Variants in MAF observed in about 807,000 individuals in gnomAD.
MAF encodes the protein transcription factor Maf.
In MAF, 10 loss-of-function variants were observed where a neutral mutation model predicts 22.0. The observed-to-expected ratio is 0.45, with a 90% confidence interval of 0.28 to 0.77. The LOEUF (loss-of-function observed/expected upper bound fraction) is 0.77. Ranked by LOEUF, MAF falls within the 30% of genes least tolerant of loss-of-function variation. The pLI, the probability that MAF is intolerant of heterozygous loss-of-function variation, is 0.12. For synonymous variants in MAF, 337 were observed against 255.8 expected, an observed-to-expected ratio of 1.32 and a Z score of -3.03; for missense variants, 544 against 548.4, an observed-to-expected ratio of 0.99 and a Z score of 0.08.
chr16:79,410,179 T>C, the MAF span, among the ~76,000 whole-genome samples: 4 of 152,230 alleles, frequency 2.6e-5, no homozygotes, highest in African/African-American at 4.8e-5. Context: ...AGCCGTTCCG[T>C]ACCTCACTTC....
At chr16:79,211,032 G>GGTGTGTGT in the MAF span, among the ~76,000 whole-genome samples, 2 of 30,458 alleles carry the variant, frequency 6.6e-5, no homozygotes, top group Admixed American at 3.6e-4. Flanking sequence ...TGTATGGTGA[G>GGTGTGTGT]GAGTGTGTGT....
chr16:79,516,426 T>C, the MAF span: 4 of 152,190 alleles, frequency 2.6e-5, no homozygotes, highest in African/African-American at 7.2e-5. Context: ...TTGTTTAAAA[T>C]TTCCTTAGAA....
chr16:79,556,473 C>T, the MAF span, among the ~76,000 whole-genome samples: 8 of 152,224 alleles, frequency 5.3e-5, no homozygotes, highest in East Asian at 1.4e-3. Flanking sequence ...GTTGCCTGAA[C>T]CCACAATAAT....
At chr16:79,554,786 C>T in the MAF span, among the ~76,000 whole-genome samples, 1 of 152,140 alleles carries the variant, frequency 6.6e-6, no homozygotes, top group East Asian at 1.9e-4. Flanking sequence ...ATTGTATGGG[C>T]ATCACGTGTG....
the MAF span, among the ~76,000 whole-genome samples, chr16:79,246,615 A>C: frequency 6.6e-6 from 1 of 152,116 alleles, no homozygotes; most frequent in Non-Finnish European, 1.5e-5. Context: ...AAGGAGTAGA[A>C]AACATGGAAA....
chr16:79,494,964 C>A, the MAF span, among the ~76,000 whole-genome samples: 1 of 152,086 alleles, frequency 6.6e-6, no homozygotes, highest in Non-Finnish European at 1.5e-5. Context: ...AACTTAGGAA[C>A]AGCCAAATGG....
chr16:79,287,974 C>A, the MAF span, among the ~76,000 whole-genome samples: 3 of 152,200 alleles, frequency 2.0e-5, no homozygotes, highest in African/African-American at 7.2e-5. Context: ...ACAACATGTG[C>A]CATACCAGTG....
the MAF span, among the ~76,000 whole-genome samples, chr16:79,255,942 GTCTTTATCTTT>G: frequency 1.4e-5 from 2 of 145,554 alleles, no homozygotes; most frequent in African/African-American, 5.1e-5. Context: ...CTAGAGAGAT[GTCTTTATCTTT>G]TCTTTTCTTT....
At chr16:79,527,548 T>C in the MAF span, among the ~76,000 whole-genome samples, 194 of 152,306 alleles carry the variant, frequency 1.3e-3, no homozygotes, top group African/African-American at 4.4e-3. Flanking sequence ...TCTGGGGGCC[T>C]TCCATTCCAC....
chr16:79,587,043 A>T (rs563295830), intron 1 of MAF, among the ~76,000 whole-genome samples: 2 of 152,178 alleles, frequency 1.3e-5, no homozygotes, highest in Non-Finnish European at 2.9e-5. Context: ...AGAACATATA[A>T]TCTTTCTTTA....
chr16:79,278,620 C>T, the MAF span, among the ~76,000 whole-genome samples: 2 of 152,058 alleles, frequency 1.3e-5, no homozygotes, highest in African/African-American at 2.4e-5. Flanking sequence ...TGTCTGAAAG[C>T]GCAAGAGCTG....
chr16:79,581,885 T>A (rs928958093), downstream of MAF, among the ~76,000 whole-genome samples: 18 of 152,212 alleles, frequency 1.2e-4, no homozygotes. Flanking sequence ...CTATTGACAA[T>A]ACCTGTAAAT....
At chr16:79,473,426 G>T in the MAF span, among the ~76,000 whole-genome samples, 1 of 152,194 alleles carries the variant, frequency 6.6e-6, no homozygotes, top group African/African-American at 2.4e-5. Context: ...CAGCAGGAAG[G>T]ACACAATCAT....
the MAF span, among the ~76,000 whole-genome samples, chr16:79,216,689 T>C: frequency 7.2e-5 from 11 of 152,262 alleles, 1 homozygote; most frequent in Admixed American, 2.6e-4. Context: ...TTTTGACTTA[T>C]ATTTTCAACT....
chr16:79,464,668 A>G, the MAF span, among the ~76,000 whole-genome samples: 1 of 152,226 alleles, frequency 6.6e-6, no homozygotes, highest in Admixed American at 6.5e-5. Context: ...GACATAACTG[A>G]AAACCATGAC....
At chr16:79,369,102 C>A in the MAF span, among the ~76,000 whole-genome samples, 2 of 152,186 alleles carry the variant, frequency 1.3e-5, no homozygotes, top group African/African-American at 4.8e-5. Context: ...TAAATTAATT[C>A]TCTTTCATTT....
the MAF span, among the ~76,000 whole-genome samples, chr16:79,451,843 A>G: frequency 3.9e-5 from 6 of 152,324 alleles, no homozygotes; most frequent in Admixed American, 3.3e-4. Context: ...TGTATCTATA[A>G]AGTTTTAAAT....
the MAF span, among the ~76,000 whole-genome samples, chr16:79,230,104 AAC>A: frequency 6.6e-6 from 1 of 152,258 alleles, no homozygotes; most frequent in South Asian, 2.1e-4. Flanking sequence ...ACAGGTTGTA[AAC>A]ACATACATGC....
chr16:79,559,392 C>A, the MAF span, among the ~76,000 whole-genome samples: 2 of 152,130 alleles, frequency 1.3e-5, no homozygotes, highest in East Asian at 1.9e-4. Context: ...AAAGGCATGA[C>A]AACTGGTGAA....
Sources: allele counts gnomAD v4.1 joint callset (sites outside exome capture counted in the v4.1 genomes callset), GRCh38; gene constraint gnomAD v4.1.1; transcripts MANE v1.5; gene names NCBI Gene and HGNC (gene_info 2026-07-23, HGNC 2026-07-21).